CSMD1: variants seen among roughly 807,000 people sequenced by gnomAD.
The protein encoded by CSMD1 is CUB and sushi domain-containing protein 1.
CSMD1 carries 213 observed loss-of-function variants against 417.5 expected under a neutral mutation model. That is an observed-to-expected ratio of 0.51 (90% confidence interval 0.46 to 0.57). The LOEUF (loss-of-function observed/expected upper bound fraction) is 0.57, where lower values mean the gene tolerates loss of function less well. CSMD1 is among the 20% of genes least tolerant of loss of function. The pLI, the probability that CSMD1 is intolerant of heterozygous loss-of-function variation, is 0.00. For missense variants in CSMD1, 6,923 were observed against 4,529.7 expected, an observed-to-expected ratio of 1.53 and a Z score of -15.17; for synonymous variants, 2,862 against 1,736.8, an observed-to-expected ratio of 1.65 and a Z score of -16.11.
At chr8:4,931,173 A>C (rs568396008) in intron 1 of CSMD1, among the ~76,000 whole-genome samples, 1 of 152,308 alleles carries the variant, frequency 6.6e-6, no homozygotes, top group Non-Finnish European at 1.5e-5. Flanking sequence ...TATGAAATAA[A>C]GTTATTTGGG....
At chr8:3,560,963 A>C (rs1028115316) in intron 10 of CSMD1, among the ~76,000 whole-genome samples, 2 of 152,166 alleles carry the variant, frequency 1.3e-5, no homozygotes, top group Non-Finnish European at 2.9e-5. Context: ...AGAGCATCCC[A>C]ATGGGCAGTG....
chr8:4,026,698 C>T lies in CSMD1; in HGVS notation c.610+5207G>A, dbSNP rs185368031. 2.2e-3 allele frequency among the ~76,000 whole-genome samples: 338 copies of T among 152,290 alleles called. 1 individual carries two copies. The highest frequency in any genetic ancestry group is 3.1e-3 in the Non-Finnish European group (211 of 68,018). On this transcript the variant is annotated intron_variant, in intron 4 of 69. Transcript: ENST00000635120. ...ATATAAAATAGCAATCAGACAAATG[C>T]TATCTGAGAGATCAAGGGACTTCTT... is the stretch of plus-strand genomic sequence containing the variant.
intron 4 of CSMD1, among the ~76,000 whole-genome samples, chr8:4,008,600 C>CTTTTTTTTTTTTTTTTT (rs1161117794): frequency 3.7e-5 from 3 of 80,408 alleles, no homozygotes; most frequent in Non-Finnish European, 6.6e-5. Flanking sequence ...TTCTTTTTTT[C>CTTTTTTTTTTTTTTTTT]TTTTTTTTTT....
intron 3 of CSMD1, among the ~76,000 whole-genome samples, chr8:4,291,383 C>T (rs1435209105): frequency 1.3e-5 from 2 of 152,028 alleles, no homozygotes; most frequent in Non-Finnish European, 2.9e-5. Flanking sequence ...TTTATACTTA[C>T]AACCATGTAA....
intron 2 of CSMD1, among the ~76,000 whole-genome samples, chr8:4,569,086 G>T (rs189578689): frequency 6.6e-6 from 1 of 151,966 alleles, no homozygotes; most frequent in Non-Finnish European, 1.5e-5. Context: ...ACTGTTCACT[G>T]TTCACTGTGA....
At chr8:3,826,582 A>G (rs1802066721) in intron 5 of CSMD1, among the ~76,000 whole-genome samples, 1 of 152,022 alleles carries the variant, frequency 6.6e-6, no homozygotes, top group Non-Finnish European at 1.5e-5. Context: ...GAGATTAACC[A>G]CTGGCCCAGC....
In CSMD1 at chr8:3,916,316, A is replaced by G. The variant is rs143780197; in HGVS notation, c.818+81587T>C. On this transcript the variant is annotated intron_variant, in intron 5 of 69. Coordinates refer to ENST00000635120, the MANE Select transcript of CSMD1 (RefSeq NM_033225.6). ...ATAAAATCACCTGGTTCTCAGCACT[A>G]CGCCGGATATTTATATAGCATGAAT... 1.3e-5 allele frequency among the ~76,000 whole-genome samples: 2 copies of G among 152,094 alleles called. 1 individual carries two copies. The highest frequency in any genetic ancestry group is 2.9e-5 in the Non-Finnish European group (2 of 68,016).
chr8:3,208,888 T>G lies in CSMD1; in HGVS notation c.4868-3268A>C, dbSNP rs529114941. Reference sequence around the variant, plus strand: ...TTTTGGGACTCGGAATGGCTCTTCTTGTTCCTCAGCCTGCAGACAGCATAT... The same window carrying G: ...TTTTGGGACTCGGAATGGCTCTTCTGGTTCCTCAGCCTGCAGACAGCATAT... On this transcript the variant is annotated intron_variant, in intron 30 of 69. Transcript: ENST00000635120. Among the ~76,000 whole-genome samples, 4 of 152,306 alleles carry G rather than the reference T, an allele frequency of 2.6e-5. No homozygotes were observed. In the East Asian group the frequency reaches 7.7e-4, roughly 29 times the overall value.
At chr8:3,726,022 C>G (rs1001994551) in intron 6 of CSMD1, among the ~76,000 whole-genome samples, 1 of 152,178 alleles carries the variant, frequency 6.6e-6, no homozygotes, top group Non-Finnish European at 1.5e-5. Flanking sequence ...CCTGCTGGCT[C>G]TTTCTCTCTT....
intron 1 of CSMD1, among the ~76,000 whole-genome samples, chr8:4,792,735 A>G (rs999754863): frequency 1.3e-5 from 2 of 152,180 alleles, no homozygotes; most frequent in African/African-American, 2.4e-5. Context: ...GCTGCATTCA[A>G]TTACACCGAT....
At chr8:2,960,130 T>C (rs949983509) in intron 62 of CSMD1, among the ~76,000 whole-genome samples, 3 of 152,222 alleles carry the variant, frequency 2.0e-5, no homozygotes, top group African/African-American at 7.2e-5. Flanking sequence ...AGTGAATCAG[T>C]GAGAGCGACA....
At chr8:4,764,252 G>C (rs193229914) in intron 1 of CSMD1, among the ~76,000 whole-genome samples, 1 of 152,172 alleles carries the variant, frequency 6.6e-6, no homozygotes, top group Non-Finnish European at 1.5e-5. Context: ...AGAGATTAGG[G>C]AAATATATTC....
At chr8:4,890,335 G>C (rs62484653) in intron 1 of CSMD1, among the ~76,000 whole-genome samples, 7,333 of 152,206 alleles carry the variant, frequency 0.048, 268 homozygotes, top group South Asian at 0.12. Flanking sequence ...GGTTCCTATG[G>C]ATTAGAGTAG....
intron 33 of CSMD1, among the ~76,000 whole-genome samples, chr8:3,198,861 T>C (rs1168915802): frequency 6.6e-6 from 1 of 152,170 alleles, no homozygotes; most frequent in African/African-American, 2.4e-5. Context: ...CTGAAGAAAA[T>C]ACTTAACAGT....
chr8:3,817,496 G>C (rs776097473), intron 5 of CSMD1, among the ~76,000 whole-genome samples: 30 of 151,802 alleles, frequency 2.0e-4, no homozygotes, highest in African/African-American at 4.3e-4. Context: ...AGCGAGGATG[G>C]TCTCAATCTC....
At chr8:4,574,040 G>C (rs1256035152) in intron 2 of CSMD1, among the ~76,000 whole-genome samples, 1 of 152,154 alleles carries the variant, frequency 6.6e-6, no homozygotes, top group African/African-American at 2.4e-5. Context: ...CCCAGCCAGT[G>C]AATCTTAGCT....
At chr8:4,944,974 T>A (rs901713424) in intron 1 of CSMD1, among the ~76,000 whole-genome samples, 1 of 152,130 alleles carries the variant, frequency 6.6e-6, no homozygotes, top group Non-Finnish European at 1.5e-5. Flanking sequence ...TCAGAGCTAT[T>A]CAAAACAGAC....
At chr8:3,304,600 T>TAATAGATGTATTTATAA (rs1804670142) in intron 25 of CSMD1, among the ~76,000 whole-genome samples, 1 of 150,632 alleles carries the variant, frequency 6.6e-6, no homozygotes, top group Non-Finnish European at 1.5e-5. Context: ...GCTTTAAATT[T>TAATAGATGTATTTATAA]AATAGATGTA....
intron 7 of CSMD1, among the ~76,000 whole-genome samples, chr8:3,636,236 T>G (rs913548708): frequency 6.6e-6 from 1 of 152,202 alleles, no homozygotes; most frequent in Non-Finnish European, 1.5e-5. Flanking sequence ...GGCGTGGAAC[T>G]GTCATTTTCT....
Sources: gnomAD v4.1 joint callset for allele counts (sites outside exome capture counted in the v4.1 genomes callset) on GRCh38, gnomAD v4.1.1 for gene constraint, MANE v1.5 for transcripts, NCBI Gene and HGNC (gene_info 2026-07-23, HGNC 2026-07-21) for gene names.